Variants in CLSTN1 observed in about 807,000 individuals in gnomAD.
CLSTN1 encodes the protein calsyntenin-1.
In CLSTN1, 28 loss-of-function variants were observed where a neutral mutation model predicts 108.3. That is an observed-to-expected ratio of 0.26 (90% confidence interval 0.19 to 0.35). CLSTN1 has a LOEUF of 0.35. CLSTN1 is among the 10% of genes least tolerant of loss of function. CLSTN1 has a pLI of 1.00. For synonymous variants in CLSTN1, 524 were observed against 534.9 expected (o/e 0.98, Z 0.28); for missense variants, 1,157 against 1,302.6 (o/e 0.89, Z 1.72).
intron 2 of CLSTN1, among the ~76,000 whole-genome samples, chr1:9,758,991 C>G (rs1345820821): frequency 6.6e-6 from 1 of 152,144 alleles, no homozygotes; most frequent in African/African-American, 2.4e-5. Flanking sequence ...AAAAATCAAA[C>G]AATGTGAAAA....
intron 9 of CLSTN1, among the ~76,000 whole-genome samples, chr1:9,742,781 G>A (rs1048311997): frequency 6.6e-6 from 1 of 152,032 alleles, no homozygotes; most frequent in African/African-American, 2.4e-5. Context: ...GGTGGCGCAC[G>A]CCTGTAATCC....
chr1:9,810,960 G>C (rs2101318257), intron 1 of CLSTN1, among the ~76,000 whole-genome samples: 1 of 152,074 alleles, frequency 6.6e-6, no homozygotes. Flanking sequence ...TATGCAACAA[G>C]AAAAATGCAA....
chr1:9,798,598 T>A (rs954842786), intron 1 of CLSTN1, among the ~76,000 whole-genome samples: 9 of 151,880 alleles, frequency 5.9e-5, no homozygotes, highest in African/African-American at 2.2e-4. Context: ...CAGAAGGGAG[T>A]AGCAAATGCC....
chr1:9,822,259 C>A (rs1282724452), intron 1 of CLSTN1, among the ~76,000 whole-genome samples: 1 of 152,058 alleles, frequency 6.6e-6, no homozygotes, highest in African/African-American at 2.4e-5. Context: ...AAATGGCCAG[C>A]AATGAGATAC....
intron 1 of CLSTN1, among the ~76,000 whole-genome samples, chr1:9,821,326 T>C (rs928688934): frequency 2.0e-5 from 3 of 152,138 alleles, no homozygotes; most frequent in African/African-American, 7.2e-5. Context: ...AGAGATGGGG[T>C]TTCACCATGT....
At chr1:9,808,054 C>T (rs924644400) in intron 1 of CLSTN1, among the ~76,000 whole-genome samples, 3 of 152,302 alleles carry the variant, frequency 2.0e-5, no homozygotes, top group African/African-American at 7.2e-5. Flanking sequence ...AGCGCCTCAC[C>T]GCTGGTTTAC....
chr1:9,736,221 G>A (rs566405617), intron 11 of CLSTN1, among the ~76,000 whole-genome samples, 179 bp from the exon 12 acceptor site: 3 of 152,192 alleles, frequency 2.0e-5, no homozygotes, highest in Non-Finnish European at 4.4e-5. Context: ...AAATTAAACC[G>A]TTTATGATCA....
chr1:9,752,227 G>A (rs769565934), intron 4 of CLSTN1, among the ~76,000 whole-genome samples: 38 of 152,168 alleles, frequency 2.5e-4, no homozygotes, highest in Non-Finnish European at 8.8e-5. Context: ...ACAAATGGAA[G>A]AGTTCAGGAG....
chr1:9,744,834 ACCT>A (rs1198522924), intron 7 of CLSTN1, among the ~76,000 whole-genome samples, 191 bp from the exon 8 acceptor site: 2 of 151,224 alleles, frequency 1.3e-5, no homozygotes, highest in African/African-American at 4.9e-5. Flanking sequence ...GTTCATTGCA[ACCT>A]CCACCTCCCG....
chr1:9,734,404 G>A lies in CLSTN1; in HGVS notation c.2111-262C>T, dbSNP rs905629485. On this transcript the variant is annotated intron_variant, in intron 14 of 18. Coordinates refer to ENST00000377298, the MANE Select transcript of CLSTN1 (RefSeq NM_001009566.3). The surrounding 1 kb of genome is among the most constrained non-coding windows in gnomAD (Gnocchi z 4.8). Reference sequence around the variant, plus strand: ...AGCCTGGCCAACAGGGTGAAAGCCCGTCTCTACTAAAAATACAAAAATTAA... The same window carrying A: ...AGCCTGGCCAACAGGGTGAAAGCCCATCTCTACTAAAAATACAAAAATTAA... 7.2e-5 allele frequency among the ~76,000 whole-genome samples: 11 copies of A among 152,068 alleles called. No homozygotes were observed. Among genetic ancestry groups the A allele is most frequent in the Admixed American group, 2.0e-4 (3 of 15,252 alleles).
At position 9,785,158 on chromosome 1, in the gene CLSTN1, C is replaced by T. The variant is rs117972030; in HGVS notation, c.92-11764G>A. ...TCTTGAACTCTTGACCTCAGGTGAT[C>T]CACCGTGCCTGGCTAATTTTTGTAT... On this transcript the variant is annotated intron_variant, in intron 1 of 18. Coordinates refer to ENST00000377298, the MANE Select transcript of CLSTN1 (RefSeq NM_001009566.3). 4.3e-3 allele frequency among the ~76,000 whole-genome samples: 657 copies of T among 152,044 alleles called. 12 individuals carry two copies. The highest frequency in any genetic ancestry group is 0.043 in the East Asian group (221 of 5,152).
intron 2 of CLSTN1, among the ~76,000 whole-genome samples, chr1:9,767,100 G>A (rs1419059523): frequency 6.6e-6 from 1 of 152,192 alleles, no homozygotes; most frequent in Admixed American, 6.5e-5. Context: ...AAATATCTAT[G>A]GAGTGACTGT....
rs575533974 is a variant in CLSTN1 at position 9,791,870 on chromosome 1, C to T, written c.92-18476G>A. On this transcript the variant is annotated intron_variant, in intron 1 of 18. Coordinates refer to ENST00000377298, the MANE Select transcript of CLSTN1 (RefSeq NM_001009566.3). ...TTAGTTTAATGTTAAGATTTCTGGCCGGGCCCAGTGGCTCATGCTTGTAAT... is the reference window on the plus strand; with the variant it reads ...TTAGTTTAATGTTAAGATTTCTGGCTGGGCCCAGTGGCTCATGCTTGTAAT... 1.0e-3 allele frequency among the ~76,000 whole-genome samples: 153 copies of T among 151,074 alleles called. 3 individuals carry two copies. The highest frequency in any genetic ancestry group is 3.4e-3 in the African/African-American group (142 of 41,476).
intron 2 of CLSTN1, among the ~76,000 whole-genome samples, chr1:9,763,896 T>C (rs1652200165): frequency 6.6e-6 from 1 of 152,156 alleles, no homozygotes; most frequent in Non-Finnish European, 1.5e-5. Flanking sequence ...GAACCACTTC[T>C]GGGCTATCTC....
chr1:9,804,524 T>C (rs2101286149), intron 1 of CLSTN1, among the ~76,000 whole-genome samples: 1 of 152,160 alleles, frequency 6.6e-6, no homozygotes, highest in South Asian at 2.1e-4. Context: ...AGTTCAATAA[T>C]GAACTCCACC....
chr1:9,772,895 C>T (rs1364197194), intron 2 of CLSTN1, among the ~76,000 whole-genome samples: 2 of 152,174 alleles, frequency 1.3e-5, no homozygotes, highest in African/African-American at 4.8e-5. Flanking sequence ...ACCAGCAACA[C>T]CAGCAGTACC....
chr1:9,794,959 G>A (rs759514322), intron 1 of CLSTN1, among the ~76,000 whole-genome samples: 1 of 149,726 alleles, frequency 6.7e-6, no homozygotes, highest in Non-Finnish European at 1.5e-5. Context: ...CTTAACAGCT[G>A]TTACCCAAAA....
intron 2 of CLSTN1, among the ~76,000 whole-genome samples, chr1:9,757,722 T>C (rs1404590503): frequency 1.3e-5 from 2 of 152,176 alleles, no homozygotes; most frequent in Non-Finnish European, 2.9e-5. Flanking sequence ...CTGTTCTCAT[T>C]ACATGAAAGC....
chr1:9,809,258 G>A (rs1487522676), intron 1 of CLSTN1, among the ~76,000 whole-genome samples: 2 of 152,158 alleles, frequency 1.3e-5, no homozygotes, highest in Non-Finnish European at 2.9e-5. Context: ...CAGCCTCCAG[G>A]AGTCACTCTG....
Sources: gnomAD v4.1 joint callset for allele counts (sites outside exome capture counted in the v4.1 genomes callset) on GRCh38, gnomAD v4.1.1 for gene constraint, Gnocchi (gnomAD v3.1) non-coding constraint, MANE v1.5 for transcripts, NCBI Gene and HGNC (gene_info 2026-07-23, HGNC 2026-07-21) for gene names.